Variants in N4BP2L2 observed in about 807,000 individuals in gnomAD.
N4BP2L2 encodes NEDD4 binding protein 2 like 2, also known as NEDD4-binding protein 2-like 2.
Under a neutral mutation model 56.2 loss-of-function variants are expected in N4BP2L2, and 50 were observed. That is an observed-to-expected ratio of 0.89 (90% confidence interval 0.71 to 1.13). N4BP2L2 has a LOEUF of 1.13. N4BP2L2 is among the 50% of genes most tolerant of loss of function. The pLI, the probability that N4BP2L2 is intolerant of heterozygous loss-of-function variation, is 0.00. For missense variants in N4BP2L2, 689 were observed against 693.8 expected (o/e 0.99, Z 0.08); for synonymous variants, 203 against 223.6 (o/e 0.91, Z 0.82).
At chr13:32,445,332 T>C (rs778528875) in intron 6 of N4BP2L2, among the ~76,000 whole-genome samples, 3 of 152,230 alleles carry the variant, frequency 2.0e-5, no homozygotes, top group East Asian at 1.9e-4. Flanking sequence ...TATAATCTCA[T>C]GGGACCACTG....
At chr13:32,453,681 C>T (rs2078488166) in intron 6 of N4BP2L2, among the ~76,000 whole-genome samples, 1 of 152,156 alleles carries the variant, frequency 6.6e-6, no homozygotes, top group African/African-American at 2.4e-5. Context: ...TACTCTGGCC[C>T]CATCTACTGC....
At chr13:32,463,847 T>G (rs1400799321) in intron 6 of N4BP2L2, among the ~76,000 whole-genome samples, 1 of 139,476 alleles carries the variant, frequency 7.2e-6, no homozygotes, top group Admixed American at 7.7e-5. Flanking sequence ...GAAGGAAAAA[T>G]TAAGATATTC....
chr13:32,459,645 C>T (rs1015073497), intron 6 of N4BP2L2, among the ~76,000 whole-genome samples: 1 of 152,052 alleles, frequency 6.6e-6, no homozygotes, highest in Non-Finnish European at 1.5e-5. Context: ...AAAACTCTCC[C>T]AACAAATAAA....
At chr13:32,521,283 C>A in intron 5 of N4BP2L2, 90 bp downstream of exon 5, 1 of 1,044,512 alleles carries the variant, frequency 9.6e-7, no homozygotes, top group Non-Finnish European at 1.4e-6. Flanking sequence ...CCTGAACCTA[C>A]ATTTGTATTC....
intron 6 of N4BP2L2, among the ~76,000 whole-genome samples, chr13:32,495,341 T>G (rs1276174314): frequency 6.6e-6 from 1 of 152,178 alleles, no homozygotes; most frequent in Non-Finnish European, 1.5e-5. Context: ...GGTTAAGGAC[T>G]GGCACCCTAA....
At chr13:32,514,357 G>A (rs2048746332) in exon 6 of N4BP2L2, 1 of 151,814 alleles carries the variant, frequency 6.6e-6, no homozygotes. Context: ...CTAAACCTAT[G>A]GAACAAACAA....
At chr13:32,436,220 A>T (rs2075456351) in intron 9 of N4BP2L2, 2 of 419,632 alleles carry the variant, frequency 4.8e-6, no homozygotes, top group South Asian at 6.9e-5. Flanking sequence ...ATAGCACACA[A>T]GGTTGCTATG....
At chr13:32,519,106 T>C (rs769583236) in intron 5 of N4BP2L2, among the ~76,000 whole-genome samples, 7 of 151,842 alleles carry the variant, frequency 4.6e-5, no homozygotes, top group Non-Finnish European at 1.0e-4. Context: ...GCAAAAAAGA[T>C]AGAAGAAAAA....
chr13:32,436,196 A>G (rs1173265415), intron 9 of N4BP2L2, among the ~76,000 whole-genome samples: 1 of 152,266 alleles, frequency 6.6e-6, no homozygotes, highest in African/African-American at 2.4e-5. Flanking sequence ...GGAAATAAAA[A>G]CATCACATGT....
intron 6 of N4BP2L2, among the ~76,000 whole-genome samples, chr13:32,501,611 G>C (rs990314925): frequency 2.0e-5 from 3 of 151,896 alleles, no homozygotes; most frequent in Non-Finnish European, 4.4e-5. Flanking sequence ...TCAGGAGATC[G>C]AGACCATCCT....
chr13:32,519,052 TTA>T (rs1413580091), intron 5 of N4BP2L2, among the ~76,000 whole-genome samples: 1 of 152,060 alleles, frequency 6.6e-6, no homozygotes, highest in African/African-American at 2.4e-5. Flanking sequence ...CCAGAAATGT[TTA>T]CTTTTCAATG....
intron 6 of N4BP2L2, among the ~76,000 whole-genome samples, chr13:32,455,238 C>G (rs1329036748): frequency 1.3e-5 from 2 of 152,220 alleles, no homozygotes; most frequent in African/African-American, 4.8e-5. Context: ...GCAGGGAACT[C>G]AGCACTCTAG....
At chr13:32,456,674 T>C (rs2079037945) in intron 6 of N4BP2L2, among the ~76,000 whole-genome samples, 1 of 151,924 alleles carries the variant, frequency 6.6e-6, no homozygotes, top group Non-Finnish European at 1.5e-5. Context: ...TCACCAGAGA[T>C]AGATATCATA....
intron 5 of N4BP2L2, among the ~76,000 whole-genome samples, chr13:32,520,564 CAGG>C (rs1305961597): frequency 3.3e-5 from 5 of 150,996 alleles, no homozygotes; most frequent in African/African-American, 1.2e-4. Context: ...GAGGCTGAGG[CAGG>C]AGAATGGCAT....
At chr13:32,468,371 T>C (rs552444805) in intron 6 of N4BP2L2, among the ~76,000 whole-genome samples, 1 of 152,320 alleles carries the variant, frequency 6.6e-6, no homozygotes, top group African/African-American at 2.4e-5. Context: ...TGAAAATTTA[T>C]TTTAACAAAT....
At chr13:32,529,238 G>T (rs933122913) in intron 2 of N4BP2L2, among the ~76,000 whole-genome samples, 1 of 152,238 alleles carries the variant, frequency 6.6e-6, no homozygotes, top group South Asian at 2.1e-4. Context: ...ATTTAAGTAT[G>T]TATAGGTTGG....
chr13:32,498,125 T>C (rs748245690), intron 6 of N4BP2L2, among the ~76,000 whole-genome samples: 1 of 151,932 alleles, frequency 6.6e-6, no homozygotes, highest in Non-Finnish European at 1.5e-5. Context: ...AGCTAGAATA[T>C]AGGCATATGC....
At chr13:32,439,858 A>C (rs866719625) in intron 7 of N4BP2L2, among the ~76,000 whole-genome samples, 4,167 of 28,532 alleles carry the variant, frequency 0.15, 140 homozygotes, top group East Asian at 0.29. Flanking sequence ...TAAGAATCCA[A>C]AAAAAAAAAA....
chr13:32,515,695 A>C (rs576672193), exon 6 of N4BP2L2: 20 of 152,294 alleles, frequency 1.3e-4, no homozygotes, highest in African/African-American at 4.6e-4. Context: ...CCCAAAGGTA[A>C]TACTCTACTT....
Sources: allele counts gnomAD v4.1 joint callset (sites outside exome capture counted in the v4.1 genomes callset), GRCh38; gene constraint gnomAD v4.1.1; transcripts MANE v1.5; gene names NCBI Gene and HGNC (gene_info 2026-07-23, HGNC 2026-07-21).